IMPA2: variants seen among roughly 807,000 people sequenced by gnomAD.
IMPA2 encodes the protein inositol monophosphatase 2.
Under a neutral mutation model 35.1 loss-of-function variants are expected in IMPA2, and 32 were observed. That is an observed-to-expected ratio of 0.91 (90% confidence interval 0.69 to 1.23). IMPA2 has a LOEUF of 1.23. Ranked by LOEUF, IMPA2 falls within the 50% of genes most tolerant of loss-of-function variation. IMPA2 has a pLI of 0.00. For missense variants in IMPA2, 334 were observed against 387.6 expected (o/e 0.86, Z 1.16); for synonymous variants, 135 against 160.6 (o/e 0.84, Z 1.20).
At chr18:11,999,463 C>T (rs1305358662) in intron 2 of IMPA2, among the ~76,000 whole-genome samples, 4 of 152,266 alleles carry the variant, frequency 2.6e-5, no homozygotes, top group Admixed American at 2.6e-4. Context: ...AGGAAAAGCT[C>T]CTTGCACCCC....
At chr18:12,000,685 G>C (rs1259953537) in intron 2 of IMPA2, among the ~76,000 whole-genome samples, 1 of 139,980 alleles carries the variant, frequency 7.1e-6, no homozygotes, top group African/African-American at 2.7e-5. Context: ...GCGTGATCTT[G>C]GCTCACTGCA....
At chr18:12,027,922 C>T (rs1907927115) in intron 5 of IMPA2, 121 bp from the exon 6 acceptor site, 2 of 655,432 alleles carry the variant, frequency 3.1e-6, no homozygotes, top group Non-Finnish European at 5.4e-6. Context: ...AAGCATTCAG[C>T]ATGAACCAGT....
intron 5 of IMPA2, among the ~76,000 whole-genome samples, chr18:12,025,578 T>C (rs1410832021): frequency 1.3e-5 from 2 of 152,186 alleles, no homozygotes; most frequent in Non-Finnish European, 2.9e-5. Context: ...TGTGTAGAGG[T>C]GTCTCGTTAT....
intron 2 of IMPA2, among the ~76,000 whole-genome samples, chr18:12,008,988 G>A (rs1389097116): frequency 1.3e-5 from 2 of 151,102 alleles, no homozygotes; most frequent in Admixed American, 6.6e-5. Context: ...TGGAGGAGTG[G>A]AGCCTGCACA....
rs138876745 is a variant in IMPA2, at chr18:12,027,567, A to ATTTTTTTTT, written c.491-461_491-453dup. On this transcript the variant is annotated intron_variant, in intron 5 of 7. Coordinates refer to ENST00000269159, the MANE Select transcript of IMPA2 (RefSeq NM_014214.3). ...TTTTCTTTTTGGTTGAATGATGGTG[A>ATTTTTTTTT]TTTTTTTTTTTTTTTTTTTTTTTAA... Among the ~76,000 whole-genome samples, 4 of 90,970 alleles carry ATTTTTTTTT rather than the reference A, an allele frequency of 4.4e-5. 1 individual carries two copies. Among genetic ancestry groups the ATTTTTTTTT allele is most frequent in the African/African-American group, 9.1e-5 (2 of 22,070 alleles). 59.7% of individuals were successfully genotyped at this position (90,970 alleles called of 152,430 possible).
At chr18:12,022,526 A>C (rs1250990152) in intron 5 of IMPA2, among the ~76,000 whole-genome samples, 1 of 10,218 alleles carries the variant, frequency 9.8e-5, no homozygotes, top group Non-Finnish European at 3.2e-4. Context: ...CATCTCAAAA[A>C]GAATATATAT....
chr18:11,983,695 G>A (rs1030099272), intron 1 of IMPA2, among the ~76,000 whole-genome samples: 1 of 151,958 alleles, frequency 6.6e-6, no homozygotes, highest in Non-Finnish European at 1.5e-5. Flanking sequence ...CAGGAAGCCC[G>A]GGCCGCCCGG....
chr18:11,983,897 G>A (rs1906579157), intron 1 of IMPA2, among the ~76,000 whole-genome samples: 1 of 152,188 alleles, frequency 6.6e-6, no homozygotes, highest in African/African-American at 2.4e-5. Context: ...AGATGACCTG[G>A]TTCGGGGTGT....
At chr18:11,990,471 T>C (rs638125) in intron 1 of IMPA2, among the ~76,000 whole-genome samples, 57,598 of 151,738 alleles carry the variant, frequency 0.38, 12,288 homozygotes, top group East Asian at 0.61. Flanking sequence ...AAAGAGAACA[T>C]AGCACCAAGG....
chr18:12,002,361 T>A (rs1034796299), intron 2 of IMPA2, among the ~76,000 whole-genome samples: 3 of 152,222 alleles, frequency 2.0e-5, no homozygotes, highest in African/African-American at 7.2e-5. Context: ...AACATTTTTT[T>A]AAAAACCTGA....
chr18:12,017,452 C>T (rs957101671), intron 5 of IMPA2, among the ~76,000 whole-genome samples: 1 of 152,214 alleles, frequency 6.6e-6, no homozygotes. Flanking sequence ...CATCAGTGTT[C>T]AAATTTCCAA....
intron 2 of IMPA2, among the ~76,000 whole-genome samples, chr18:12,007,091 T>C (rs923395351): frequency 4.0e-5 from 6 of 151,840 alleles, no homozygotes; most frequent in Non-Finnish European, 7.4e-5. Context: ...GATCGCGCCA[T>C]TGCACTCCAG....
intron 1 of IMPA2, among the ~76,000 whole-genome samples, chr18:11,998,533 G>T (rs755114053): frequency 3.3e-5 from 5 of 152,246 alleles, no homozygotes; most frequent in Non-Finnish European, 7.3e-5. Flanking sequence ...TTTACAATCA[G>T]ATTCGAGGGC....
chr18:11,981,831 T>G, intron 1 of IMPA2, 66 bp downstream of exon 1: 5 of 1,070,900 alleles, frequency 4.7e-6, no homozygotes, highest in Non-Finnish European at 5.9e-6. Flanking sequence ...GGGAGCCGCC[T>G]GGAGTGGCGG....
At chr18:12,018,180 A>G (rs1907633992) in intron 5 of IMPA2, 3 of 152,704 alleles carry the variant, frequency 2.0e-5, no homozygotes, top group African/African-American at 7.2e-5. Flanking sequence ...ACCTCAGGTG[A>G]TCCACCCGCC....
At chr18:12,028,759 G>C in intron 6 of IMPA2, 83 bp from the exon 7 acceptor site, 1 of 1,453,944 alleles carries the variant, frequency 6.9e-7, no homozygotes. Flanking sequence ...ATGCCCAGCC[G>C]GGGTACCTGG....
In IMPA2 at chr18:12,010,879, G is replaced by A. The variant is rs1029508515; in HGVS notation, c.335+892G>A. Reference sequence around the variant, plus strand: ...AGCCTTTTTCTAGGTGAGTTGCCTCGAGAATTCAGTTGTGCCTACATAAGG... The same window carrying A: ...AGCCTTTTTCTAGGTGAGTTGCCTCAAGAATTCAGTTGTGCCTACATAAGG... On this transcript the variant is annotated intron_variant, in intron 3 of 7. Coordinates refer to ENST00000269159, the MANE Select transcript of IMPA2 (RefSeq NM_014214.3). The surrounding 1 kb of genome is among the most constrained non-coding windows in gnomAD (Gnocchi z 4.8). Among the ~76,000 whole-genome samples the A allele has an allele frequency of 3.3e-5, 5 of 152,198 alleles. No individual in the cohort carries two copies. The highest frequency in any genetic ancestry group is 9.7e-5 in the African/African-American group (4 of 41,450).
intron 5 of IMPA2, among the ~76,000 whole-genome samples, chr18:12,014,719 C>T (rs986470606): frequency 6.6e-6 from 1 of 152,172 alleles, no homozygotes; most frequent in African/African-American, 2.4e-5. Context: ...CGGCACACCT[C>T]GGTGGTCCCG....
intron 1 of IMPA2, among the ~76,000 whole-genome samples, chr18:11,990,801 G>A (rs1182340876): frequency 6.6e-6 from 1 of 152,186 alleles, no homozygotes; most frequent in African/African-American, 2.4e-5. Flanking sequence ...TGGTGGACTT[G>A]GACTGTGGTG....
Sources: allele counts gnomAD v4.1 joint callset (sites outside exome capture counted in the v4.1 genomes callset), GRCh38; gene constraint gnomAD v4.1.1; non-coding constraint Gnocchi (gnomAD v3.1); transcripts MANE v1.5; gene names NCBI Gene and HGNC (gene_info 2026-07-23, HGNC 2026-07-21).